The following AK9 variants were observed in gnomAD, a reference collection of about 807,000 sequenced individuals.
The protein encoded by AK9 is adenylate kinase domain containing 1.
A neutral mutation model predicts 239.6 loss-of-function variants in AK9; 191 were observed. The observed-to-expected ratio is 0.80, with a 90% CI of 0.71 to 0.90. AK9 has a LOEUF of 0.90. AK9 is among the 40% of genes least tolerant of loss of function. The pLI is 0.00. For synonymous variants in AK9, 689 were observed against 721.0 expected, an observed-to-expected ratio of 0.96 and a Z score of 0.71; for missense variants, 1,995 against 2,214.7, an observed-to-expected ratio of 0.90 and a Z score of 1.99.
chr6:109,626,920 G>T (rs78368784), intron 12 of AK9, among the ~76,000 whole-genome samples: 2,017 of 152,030 alleles, frequency 0.013, 31 homozygotes, highest in Non-Finnish European at 0.019. Flanking sequence ...GTACACTTAG[G>T]CTACACTAAA....
chr6:109,677,616 AT>A (rs566149815), intron 1 of AK9, among the ~76,000 whole-genome samples: 175 of 152,296 alleles, frequency 1.1e-3, no homozygotes, highest in Non-Finnish European at 1.9e-3. Flanking sequence ...TAAAGGAGGC[AT>A]TTAAAATTGG....
At chr6:109,664,757 A>C (rs1800939357) in intron 5 of AK9, among the ~76,000 whole-genome samples, 1 of 150,572 alleles carries the variant, frequency 6.6e-6, no homozygotes, top group Admixed American at 6.6e-5. Context: ...AGATCAGGCC[A>C]GGTGCGGTGG....
At position 109,632,868 on chromosome 6, in the gene AK9, T is replaced by G. The variant is rs113105086; in HGVS notation, c.1254+55A>C. On this transcript the variant is annotated intron_variant, in intron 12 of 40. Transcript: ENST00000424296. Reference sequence around the variant, plus strand: ...TAGATACATGACAGATAGACATAGATAGATAGATAGATAGATAGATAGATA... The same window carrying G: ...TAGATACATGACAGATAGACATAGAGAGATAGATAGATAGATAGATAGATA... 3,814 of 1,499,588 alleles carry G rather than the reference T, an allele frequency of 2.5e-3. 9 individuals are homozygous for G. The highest frequency in any genetic ancestry group is 4.1e-3 in the South Asian group (329 of 79,952). 92.9% of individuals were successfully genotyped at this position (1,499,588 alleles called of 1,614,324 possible). A position where few individuals can be genotyped will look rare whatever the true frequency, so the allele number is the denominator to read the frequency against.
intron 16 of AK9, among the ~76,000 whole-genome samples, chr6:109,610,950 A>G (rs1793510083): frequency 6.6e-6 from 1 of 152,194 alleles, no homozygotes; most frequent in African/African-American, 2.4e-5. Context: ...GGGATGGAGA[A>G]AAGGTGGCAT....
chr6:109,682,679 C>A (rs1269185094), intron 1 of AK9, among the ~76,000 whole-genome samples: 7 of 152,052 alleles, frequency 4.6e-5, no homozygotes, highest in Non-Finnish European at 7.4e-5. Context: ...GACACATACA[C>A]CCTCCCAAGT....
At chr6:109,598,997 G>T (rs1373549946) in intron 17 of AK9, among the ~76,000 whole-genome samples, 2 of 152,066 alleles carry the variant, frequency 1.3e-5, no homozygotes, top group Non-Finnish European at 2.9e-5. Context: ...TGGGTAGATT[G>T]CAAAAATTTT....
At chr6:109,562,304 T>C (rs1387425088) in intron 24 of AK9, among the ~76,000 whole-genome samples, 1 of 152,248 alleles carries the variant, frequency 6.6e-6, no homozygotes, top group African/African-American at 2.4e-5. Context: ...ACCATTAATG[T>C]ATATTTCATT....
At chr6:109,573,696 C>T in intron 20 of AK9, 102 bp from the exon 21 acceptor site, 1 of 1,126,380 alleles carries the variant, frequency 8.9e-7, no homozygotes, top group African/African-American at 1.6e-5. Context: ...TGAAATGGTC[C>T]CTGCCCTCCT....
At chr6:109,580,398 T>G (rs1161244290) in intron 19 of AK9, among the ~76,000 whole-genome samples, 1 of 152,134 alleles carries the variant, frequency 6.6e-6, no homozygotes, top group Non-Finnish European at 1.5e-5. Flanking sequence ...GATCTAGAAA[T>G]CTATATCTAG....
chr6:109,680,436 C>G (rs1485216025), intron 1 of AK9, among the ~76,000 whole-genome samples: 1 of 152,012 alleles, frequency 6.6e-6, no homozygotes, highest in African/African-American at 2.4e-5. Context: ...ACAAAGCCTC[C>G]AAGAAATATG....
chr6:109,610,041 T>A (rs1353781709), intron 17 of AK9, among the ~76,000 whole-genome samples: 2 of 152,200 alleles, frequency 1.3e-5, no homozygotes. Context: ...ATGAAACATA[T>A]AACTTTGGTA....
intron 35 of AK9, among the ~76,000 whole-genome samples, chr6:109,501,579 C>G (rs1052118950): frequency 1.3e-5 from 2 of 152,228 alleles, no homozygotes; most frequent in Non-Finnish European, 2.9e-5. Flanking sequence ...CTTATTGGCT[C>G]TCATCCTCTA....
intron 10 of AK9, 23 bp downstream of exon 10, chr6:109,641,495 T>A: frequency 6.3e-7 from 1 of 1,584,806 alleles, no homozygotes; most frequent in Non-Finnish European, 8.7e-7. Context: ...AATTAGACTT[T>A]CAGACAGTTC....
chr6:109,604,054 T>C (rs1321353658), intron 17 of AK9, among the ~76,000 whole-genome samples: 1 of 152,124 alleles, frequency 6.6e-6, no homozygotes, highest in Non-Finnish European at 1.5e-5. Flanking sequence ...CTTCAGCTCA[T>C]GCTCGGTGCA....
intron 9 of AK9, 36 bp downstream of exon 9, chr6:109,644,578 A>G (rs762429820): frequency 1.3e-6 from 2 of 1,533,858 alleles, no homozygotes; most frequent in Admixed American, 4.1e-5. Context: ...TAAATTTTCC[A>G]TGCTGTGAAG....
At chr6:109,505,748 A>G (rs1778048803) in intron 35 of AK9, among the ~76,000 whole-genome samples, 1 of 152,232 alleles carries the variant, frequency 6.6e-6, no homozygotes, top group Non-Finnish European at 1.5e-5. Flanking sequence ...ATAGGCATTC[A>G]ATAAATGATA....
intron 33 of AK9, among the ~76,000 whole-genome samples, chr6:109,507,085 G>A (rs1252160743): frequency 6.6e-6 from 1 of 152,194 alleles, no homozygotes; most frequent in Non-Finnish European, 1.5e-5. Flanking sequence ...GATTTTGGCA[G>A]AATTTGACAG....
intron 27 of AK9, among the ~76,000 whole-genome samples, chr6:109,537,156 T>C (rs971933849): frequency 1.3e-5 from 2 of 152,210 alleles, no homozygotes; most frequent in East Asian, 1.9e-4. Flanking sequence ...TTTCTATTGA[T>C]TGGAATAGTT....
chr6:109,616,009 G>T (rs1161790757), intron 13 of AK9, among the ~76,000 whole-genome samples: 1 of 152,084 alleles, frequency 6.6e-6, no homozygotes, highest in Non-Finnish European at 1.5e-5. Context: ...GCCAAGGCCG[G>T]AGGATCACTT....
Sources: allele counts gnomAD v4.1 joint callset (sites outside exome capture counted in the v4.1 genomes callset), GRCh38; gene constraint gnomAD v4.1.1; transcripts MANE v1.5; gene names NCBI Gene and HGNC (gene_info 2026-07-23, HGNC 2026-07-21).